Variants in FHL2 observed in about 807,000 individuals in gnomAD.
FHL2 encodes four and a half LIM domains protein 2.
FHL2 carries 20 observed loss-of-function variants against 32.7 expected under a neutral mutation model. That is an observed-to-expected ratio of 0.61 (90% CI 0.43 to 0.89). The LOEUF (loss-of-function observed/expected upper bound fraction) is 0.89. Among genes scored for constraint, FHL2 ranks in the 40% least tolerant of loss-of-function variants. The probability of loss-of-function intolerance (pLI) is 0.00; values close to 1 mark genes in which losing one functional copy is unlikely to be tolerated. For synonymous variants in FHL2, 123 were observed against 128.1 expected, an observed-to-expected ratio of 0.96 and a Z score of 0.27; for missense variants, 311 against 358.6, an observed-to-expected ratio of 0.87 and a Z score of 1.07.
upstream of FHL2, chr2:105,399,574 G>T: frequency 2.6e-6 from 4 of 1,535,704 alleles, no homozygotes; most frequent in Non-Finnish European, 2.6e-6. Context: ...CTACGGAGGG[G>T]ACTAAAGGAA....
intron 5 of FHL2, 68 bp downstream of exon 5, chr2:105,367,502 C>T (rs1680716561): frequency 1.0e-5 from 15 of 1,484,346 alleles, no homozygotes; most frequent in Non-Finnish European, 1.4e-5. Context: ...GGAAAGAGAA[C>T]TGACAGACAT....
intron 1 of FHL2, among the ~76,000 whole-genome samples, chr2:105,427,229 T>A (rs527262496): frequency 2.0e-4 from 31 of 152,352 alleles, no homozygotes; most frequent in African/African-American, 6.7e-4. Context: ...AAAAATATAC[T>A]GTCATGAAAA....
intron 1 of FHL2, among the ~76,000 whole-genome samples, chr2:105,419,736 G>A (rs138863877): frequency 2.0e-4 from 30 of 152,122 alleles, no homozygotes; most frequent in African/African-American, 7.0e-4. Flanking sequence ...CAGCCTCTTT[G>A]GTTCTTCACT....
chr2:105,373,485 A>T (rs763003052), intron 4 of FHL2, 74 bp downstream of exon 4: 1 of 1,532,220 alleles, frequency 6.5e-7, no homozygotes, highest in Non-Finnish European at 9.0e-7. Flanking sequence ...GTCAATGTGA[A>T]CAGGGGGTCA....
At chr2:105,435,814 TC>T (rs1296957842) in intron 1 of FHL2, among the ~76,000 whole-genome samples, 2 of 152,118 alleles carry the variant, frequency 1.3e-5, no homozygotes, top group African/African-American at 4.8e-5. Flanking sequence ...AGAGTGAGAC[TC>T]CTTCTCAAAA....
intron 3 of FHL2, chr2:105,374,267 C>A: frequency 6.4e-6 from 1 of 157,428 alleles, no homozygotes; most frequent in Non-Finnish European, 1.4e-5. Flanking sequence ...CTGTGGGTGG[C>A]CGTGAGCTGG....
At chr2:105,417,290 G>A (rs1394658727) in intron 1 of FHL2, among the ~76,000 whole-genome samples, 8 of 151,678 alleles carry the variant, frequency 5.3e-5, no homozygotes, top group Admixed American at 2.6e-4. Context: ...GCTGAGGCAG[G>A]AGAATCGCTT....
chr2:105,375,815 G>A (rs1681435121), intron 3 of FHL2: 1 of 152,144 alleles, frequency 6.6e-6, no homozygotes, highest in Non-Finnish European at 1.5e-5. Context: ...ACCCAAACTG[G>A]GTATGCACTG....
At chr2:105,384,860 C>T (rs1682183299) in intron 3 of FHL2, among the ~76,000 whole-genome samples, 1 of 152,176 alleles carries the variant, frequency 6.6e-6, no homozygotes, top group African/African-American at 2.4e-5. Context: ...GGTCAAGTAA[C>T]TGACCCAAGG....
At chr2:105,395,085 C>T (rs1195189970) in intron 2 of FHL2, among the ~76,000 whole-genome samples, 2 of 152,256 alleles carry the variant, frequency 1.3e-5, no homozygotes, top group African/African-American at 2.4e-5. Flanking sequence ...CCATGTGCTA[C>T]GTGAGGCACT....
chr2:105,408,145 C>G (rs1488164109), intron 1 of FHL2, among the ~76,000 whole-genome samples: 1 of 152,162 alleles, frequency 6.6e-6, no homozygotes, highest in Non-Finnish European at 1.5e-5. Flanking sequence ...TGCAGAGGTA[C>G]CCTCACAGTT....
chr2:105,418,359 C>T (rs576900096), intron 1 of FHL2, among the ~76,000 whole-genome samples: 3 of 152,126 alleles, frequency 2.0e-5, no homozygotes, highest in Non-Finnish European at 4.4e-5. Flanking sequence ...AAACACTCTC[C>T]CCAACAGAAA....
At chr2:105,398,081 G>T (rs1267706169) in intron 1 of FHL2, among the ~76,000 whole-genome samples, 1 of 151,920 alleles carries the variant, frequency 6.6e-6, no homozygotes, top group African/African-American at 2.4e-5. Flanking sequence ...AAGGGAGTGC[G>T]GGCCTTAAGT....
intron 1 of FHL2, among the ~76,000 whole-genome samples, chr2:105,427,522 G>A (rs749732492): frequency 2.6e-5 from 4 of 152,152 alleles, no homozygotes; most frequent in Non-Finnish European, 5.9e-5. Flanking sequence ...GTGAGCTCCG[G>A]GGCTTGGGGG....
intron 5 of FHL2, among the ~76,000 whole-genome samples, chr2:105,364,375 C>A (rs529626205): frequency 2.6e-5 from 4 of 152,178 alleles, no homozygotes; most frequent in Non-Finnish European, 5.9e-5. Flanking sequence ...AAAGGACAGC[C>A]GGGACTAGCA....
chr2:105,421,129 C>T (rs1684092337), intron 1 of FHL2, among the ~76,000 whole-genome samples: 3 of 152,220 alleles, frequency 2.0e-5, no homozygotes, highest in South Asian at 4.1e-4. Flanking sequence ...TGGTCCAGTG[C>T]TCCCTTGATA....
chr2:105,369,082 T>G (rs1243784100), intron 4 of FHL2, among the ~76,000 whole-genome samples: 2 of 152,212 alleles, frequency 1.3e-5, no homozygotes, highest in Non-Finnish European at 2.9e-5. Flanking sequence ...GACTGTATGG[T>G]CCACAAAGCC....
intron 1 of FHL2, chr2:105,396,963 T>A (rs1471208527): frequency 2.6e-6 from 1 of 382,004 alleles, no homozygotes; most frequent in Non-Finnish European, 4.7e-6. Context: ...GCTGAGTAAC[T>A]GGCCCTCGGC....
At chr2:105,384,763 C>T (rs763204116) in intron 3 of FHL2, among the ~76,000 whole-genome samples, 61 of 152,352 alleles carry the variant, frequency 4.0e-4, no homozygotes, top group Non-Finnish European at 7.3e-4. Flanking sequence ...CCGCCTTGGC[C>T]TCCCAAAGTG....
Sources: allele counts gnomAD v4.1 joint callset (sites outside exome capture counted in the v4.1 genomes callset), GRCh38; gene constraint gnomAD v4.1.1; transcripts MANE v1.5; gene names NCBI Gene and HGNC (gene_info 2026-07-23, HGNC 2026-07-21).